The following DCAKD variants were observed in gnomAD, a reference collection of about 807,000 sequenced individuals.
The protein encoded by DCAKD is dephospho-CoA kinase domain containing.
In DCAKD, 15 loss-of-function variants were observed where a neutral mutation model predicts 18.7. The ratio of observed to expected loss-of-function variants is 0.80; its 90% CI spans 0.54 to 1.24. The LOEUF is 1.24. Ranked by LOEUF, DCAKD falls within the 50% of genes most tolerant of loss-of-function variation. DCAKD has a pLI of 0.00. For missense variants in DCAKD, 301 were observed against 322.0 expected (o/e 0.93, Z 0.50); for synonymous variants, 130 against 133.0 (o/e 0.98, Z 0.16).
chr17:45,035,804 T>G (rs1457898101), intron 1 of DCAKD, among the ~76,000 whole-genome samples: 1 of 152,168 alleles, frequency 6.6e-6, no homozygotes, highest in Non-Finnish European at 1.5e-5. Flanking sequence ...GGGCCCTCTT[T>G]TGCCCCAAGG....
chr17:45,025,812 C>T (rs1006503454), intron 4 of DCAKD, among the ~76,000 whole-genome samples: 7 of 141,860 alleles, frequency 4.9e-5, no homozygotes, highest in Admixed American at 3.7e-4. Flanking sequence ...AGTGCAGTGG[C>T]GTGATCTTGG....
intron 3 of DCAKD, chr17:45,030,905 C>G: frequency 1.1e-6 from 1 of 924,716 alleles, no homozygotes; most frequent in Non-Finnish European, 1.3e-6. Context: ...GACCTCCCAC[C>G]ACAAGCCAAG....
intron 1 of DCAKD, among the ~76,000 whole-genome samples, chr17:45,038,598 T>C (rs1344193648): frequency 6.6e-6 from 1 of 152,168 alleles, no homozygotes; most frequent in African/African-American, 2.4e-5. Flanking sequence ...AGAGAAATAA[T>C]TTCTTGATTA....
Position 45,028,744 on chromosome 17 carries a change from G to C in DCAKD, c.404+1348C>G, listed in dbSNP as rs563415762. 2.1e-5 allele frequency among the ~76,000 whole-genome samples: 3 copies of C among 146,324 alleles called. No homozygotes were observed. The Admixed American group carries it at 2.1e-4, about 10-fold the overall frequency. On this transcript the variant is annotated intron_variant, in intron 4 of 4. Coordinates refer to ENST00000651974, the MANE Select transcript of DCAKD (RefSeq NM_001288655.2). Reference sequence around the variant, plus strand: ...AGATGGAGTTTTGCTCACTCTTGTCGCCCAGGCTGGAGTGCAATGGTGCAA... The same window carrying C: ...AGATGGAGTTTTGCTCACTCTTGTCCCCCAGGCTGGAGTGCAATGGTGCAA...
intron 1 of DCAKD, among the ~76,000 whole-genome samples, chr17:45,040,891 C>T (rs952098707): frequency 6.6e-6 from 1 of 152,004 alleles, no homozygotes; most frequent in East Asian, 1.9e-4. Context: ...CCCAGTAGCC[C>T]CAAGAAGAAT....
upstream of DCAKD, among the ~76,000 whole-genome samples, chr17:45,053,019 C>T (rs1199878992): frequency 3.3e-5 from 3 of 91,540 alleles, no homozygotes; most frequent in Admixed American, 8.8e-5. Flanking sequence ...CAAAATTAGC[C>T]GGGCGTGGTG....
At chr17:45,027,779 A>G (rs753265971) in intron 4 of DCAKD, among the ~76,000 whole-genome samples, 1 of 152,108 alleles carries the variant, frequency 6.6e-6, no homozygotes, top group Non-Finnish European at 1.5e-5. Flanking sequence ...CAAGGTCAGG[A>G]GTTCAAGACC....
chr17:45,046,570 C>T lies in DCAKD; in HGVS notation c.-115+4791G>A, dbSNP rs565067358. Among the ~76,000 whole-genome samples, 87 of 135,510 alleles carry T rather than the reference C, an allele frequency of 6.4e-4. 1 individual carries two copies. Among genetic ancestry groups the T allele is most frequent in the African/African-American group, 2.3e-3 (84 of 36,040 alleles). 88.9% of individuals were successfully genotyped at this position (135,510 alleles called of 152,430 possible). ...GGTGGAGGTTGCAGTGAGCCGAGAT[C>T]GTGCCATTGCATTCCAGCCTGGGCG... On this transcript the variant is annotated intron_variant, in intron 1 of 4. Coordinates refer to ENST00000651974, the MANE Select transcript of DCAKD (RefSeq NM_001288655.2).
chr17:45,045,348 G>A (rs1292765182), intron 1 of DCAKD, among the ~76,000 whole-genome samples: 2 of 152,154 alleles, frequency 1.3e-5, no homozygotes, highest in African/African-American at 4.8e-5. Flanking sequence ...ACTTGGCTTT[G>A]TGTTGATATC....
chr17:45,046,549 G>GAGCTGGGGA (rs2053574080), intron 1 of DCAKD, among the ~76,000 whole-genome samples: 1 of 149,160 alleles, frequency 6.7e-6, no homozygotes, highest in African/African-American at 2.5e-5. Flanking sequence ...CTGGGAGGTG[G>GAGCTGGGGA]AGGTTGCAGT....
intron 4 of DCAKD, among the ~76,000 whole-genome samples, chr17:45,027,994 A>G (rs2053091380): frequency 6.6e-6 from 1 of 151,450 alleles, no homozygotes; most frequent in Non-Finnish European, 1.5e-5. Context: ...TCAATTTAAA[A>G]AAAAAAAAAA....
intron 3 of DCAKD, among the ~76,000 whole-genome samples, chr17:45,030,706 A>C (rs1324981872): frequency 6.6e-6 from 1 of 152,266 alleles, no homozygotes; most frequent in Non-Finnish European, 1.5e-5. Flanking sequence ...CCCTGCTGAC[A>C]AGAGCCAAGG....
Position 45,051,496 on chromosome 17 carries a change from C to A in DCAKD, c.-250G>T, listed in dbSNP as rs936850401. The A allele has an allele frequency of 2.0e-5, 3 of 151,848 alleles. No individual in the cohort carries two copies. The highest frequency in any genetic ancestry group is 4.4e-5 in the Non-Finnish European group (3 of 67,962). The allele number at this position is 151,848 out of a possible 1,614,324, so 9.4% of individuals were successfully genotyped here. A position where few individuals can be genotyped will look rare whatever the true frequency, so the allele number is the denominator to read the frequency against. ...CCCGCGTAGCAGCCGCGGCCAGGGCCCGCCCCCTCCCCGGCGCCCGGCTGG... is the reference window on the plus strand; with the variant it reads ...CCCGCGTAGCAGCCGCGGCCAGGGCACGCCCCCTCCCCGGCGCCCGGCTGG... On this transcript the variant is annotated 5_prime_UTR_variant, in exon 1 of 5. Transcript: ENST00000651974.
intron 1 of DCAKD, among the ~76,000 whole-genome samples, chr17:45,041,375 G>A (rs541192271): frequency 2.0e-5 from 3 of 150,632 alleles, no homozygotes; most frequent in African/African-American, 7.3e-5. Flanking sequence ...GCAGTGGTGC[G>A]ATCTCGGCTC....
chr17:45,031,556 T>G (rs958839432), intron 3 of DCAKD: 88 of 985,258 alleles, frequency 8.9e-5, no homozygotes, highest in Non-Finnish European at 9.9e-5. Flanking sequence ...TAGTTACTGT[T>G]GCAGGGGGAG....
At chr17:45,059,249 G>GA (rs201366029) in intron 1 of DCAKD, among the ~76,000 whole-genome samples, 13,584 of 148,798 alleles carry the variant, frequency 0.091, 692 homozygotes, top group East Asian at 0.16. Flanking sequence ...CTCCGTCTCA[G>GA]AAAAAAAAAA....
rs1461952059 is a variant in DCAKD, at chr17:45,051,491, A to T, written c.-245T>A. On this transcript the variant is annotated 5_prime_UTR_variant, in exon 1 of 5. Coordinates refer to ENST00000651974, the MANE Select transcript of DCAKD (RefSeq NM_001288655.2). ...GCAGCCCCGCGTAGCAGCCGCGGCCAGGGCCCGCCCCCTCCCCGGCGCCCG... is the reference window on the plus strand; with the variant it reads ...GCAGCCCCGCGTAGCAGCCGCGGCCTGGGCCCGCCCCCTCCCCGGCGCCCG... 3 of 151,800 alleles carry T rather than the reference A, an allele frequency of 2.0e-5. No individual in the cohort carries two copies. In the East Asian group the frequency reaches 5.8e-4, roughly 30 times the overall value. The allele number at this position is 151,800 out of a possible 1,614,324, so 9.4% of individuals were successfully genotyped here.
intron 1 of DCAKD, among the ~76,000 whole-genome samples, chr17:45,056,802 C>G (rs1313659950): frequency 1.3e-5 from 2 of 151,182 alleles, no homozygotes; most frequent in African/African-American, 4.9e-5. Context: ...GAGCCTCGCT[C>G]TGTCACCCAG....
chr17:45,061,068 C>CA (rs2053845548), exon 1 of DCAKD: 1 of 1,263,504 alleles, frequency 7.9e-7, no homozygotes, highest in Non-Finnish European at 1.0e-6. Context: ...GGGTCGGTCC[C>CA]ACCAACCTTG....
Sources: allele counts gnomAD v4.1 joint callset (sites outside exome capture counted in the v4.1 genomes callset), GRCh38; gene constraint gnomAD v4.1.1; transcripts MANE v1.5; gene names NCBI Gene and HGNC (gene_info 2026-07-23, HGNC 2026-07-21).